IL4: variants seen among roughly 807,000 people sequenced by gnomAD.
The protein encoded by IL4 is interleukin 4, also known as interleukin-4.
In IL4, 10 loss-of-function variants were observed where a neutral mutation model predicts 17.4. The ratio of observed to expected loss-of-function variants is 0.57; its 90% CI spans 0.35 to 0.97. The LOEUF (loss-of-function observed/expected upper bound fraction) is 0.97, where lower values mean the gene tolerates loss of function less well. Among genes scored for constraint, IL4 ranks in the 50% least tolerant of loss-of-function variants. The pLI is 0.01. For synonymous variants in IL4, 87 were observed against 79.0 expected (o/e 1.10, Z -0.54); for missense variants, 174 against 187.7 (o/e 0.93, Z 0.43).
At position 132,674,133 on chromosome 5, in the gene IL4, A is replaced by T. The variant is rs770646815; in HGVS notation, c.83A>T (p.Asp28Val). 7 of 1,614,166 alleles carry T rather than the reference A, an allele frequency of 4.3e-6. No individual in the cohort carries two copies. The highest frequency in any genetic ancestry group is 5.1e-6 in the Non-Finnish European group (6 of 1,180,004). Residue 28 changes from aspartate to valine, a missense_variant, in exon 1 of 4, where the codon GAT becomes GTT. Asp to Val is a radical substitution (Grantham distance 152). Coordinates refer to ENST00000231449, the MANE Select transcript of IL4 (RefSeq NM_000589.4). ...AACTTTGTCCACGGACACAAGTGCG[A>T]TATCACCTTACAGGAGATCATCAAA... is the stretch of plus-strand genomic sequence containing the variant. ...AGNFVHGHKC[D>V]ITLQEIIKTL...
Position 132,679,839 on chromosome 5 carries a change from G to A in IL4, c.309G>A (p.Leu103=). 1 of 1,613,936 alleles carries A rather than the reference G, an allele frequency of 6.2e-7. No individual in the cohort carries two copies. The highest frequency in any genetic ancestry group is 8.5e-7 in the Non-Finnish European group (1 of 1,179,948). The change falls in exon 3 of 4, where the codon CTG becomes CTA. Residue 103 remains leucine (L), a synonymous_variant. Coordinates refer to ENST00000231449, the MANE Select transcript of IL4 (RefSeq NM_000589.4). ...TAQQFHRHKQ[L]IRFLKRLDRN... is the part of the protein sequence containing the mutation. Reference sequence around the variant, plus strand: ...AGCAGTTCCACAGGCACAAGCAGCTGATCCGATTCCTGAAACGGCTCGACA... The same window carrying A: ...AGCAGTTCCACAGGCACAAGCAGCTAATCCGATTCCTGAAACGGCTCGACA...
Position 132,674,054 on chromosome 5 carries a change from G to C in IL4, c.4G>C (p.Gly2Arg). 1 of 1,614,022 alleles carries C rather than the reference G, an allele frequency of 6.2e-7. No individual in the cohort carries two copies. The highest frequency in any genetic ancestry group is 8.5e-7 in the Non-Finnish European group (1 of 1,179,984). Residue 2 changes from glycine (G) to arginine (R), a missense_variant, in exon 1 of 4, where the codon GGT becomes CGT. Coordinates refer to ENST00000231449, the MANE Select transcript of IL4 (RefSeq NM_000589.4). ...CACTGCAAATCGACACCTATTAATGGGTCTCACCTCCCAACTGCTTCCCCC... is the reference window on the plus strand; with the variant it reads ...CACTGCAAATCGACACCTATTAATGCGTCTCACCTCCCAACTGCTTCCCCC... M[G>R]LTSQLLPPLF... is the part of the protein sequence containing the mutation.
In IL4 at chr5:132,680,405, G is replaced by A. The variant is rs529220975; in HGVS notation, c.360+515G>A. On this transcript the variant is annotated intron_variant, in intron 3 of 3. Coordinates refer to ENST00000231449, the MANE Select transcript of IL4 (RefSeq NM_000589.4). This position sits in a 1 kb window ranked among gnomAD's most constrained non-coding sequence, Gnocchi z 4.3. ...AAGGCCAGTGTGGCTGGATCAGAGT[G>A]AGTGAGGGGTAGTTTCCAGGACAGC... 2.0e-5 allele frequency among the ~76,000 whole-genome samples: 3 copies of A among 152,344 alleles called. No individual in the cohort carries two copies. The South Asian group carries it at 6.2e-4, about 32-fold the overall frequency.
At position 132,675,981 on chromosome 5, in the gene IL4, C is replaced by T. The variant is rs577920562; in HGVS notation, c.183+1475C>T. On this transcript the variant is annotated intron_variant, in intron 2 of 3. Coordinates refer to ENST00000231449, the MANE Select transcript of IL4 (RefSeq NM_000589.4). The stretch of plus-strand genomic sequence containing the variant: ...TATAAAATCTCCAAGTCCATCCAAC[C>T]GAGATGGCTCCTACTAGAAGCCAAG... 1.2e-3 allele frequency among the ~76,000 whole-genome samples: 165 copies of T among 136,828 alleles called. 2 individuals carry two copies. The highest frequency in any genetic ancestry group is 4.4e-3 in the African/African-American group (154 of 34,680). 89.8% of individuals were successfully genotyped at this position (136,828 alleles called of 152,430 possible). A position where few individuals can be genotyped will look rare whatever the true frequency, so the allele number is the denominator to read the frequency against.
chr5:132,679,596 A>G, intron 2 of IL4, 118 bp from the exon 3 acceptor site: 1 of 844,586 alleles, frequency 1.2e-6, no homozygotes, highest in Non-Finnish European at 1.9e-6. Flanking sequence ...ACAGGTCTGT[A>G]GTTGAGCAAA....
intron 2 of IL4, among the ~76,000 whole-genome samples, chr5:132,677,401 G>A (rs74466521): frequency 0.01 from 1,593 of 152,336 alleles, 15 homozygotes; most frequent in Non-Finnish European, 0.014. Flanking sequence ...GACACACTCA[G>A]CAGCCAGAGC....
chr5:132,676,352 G>A (rs1752383618), intron 2 of IL4, among the ~76,000 whole-genome samples: 2 of 152,200 alleles, frequency 1.3e-5, no homozygotes, highest in Admixed American at 1.3e-4. Context: ...GCAAGAACAG[G>A]TGCAGAGAAG....
In IL4 at chr5:132,682,646, C is replaced by CCTG; in HGVS notation, c.*59_*60insCTG. ...TTTTTAAGTATTTATATATTTATAACTCATCATAAAATAAAGTATATATAG... is the reference window on the plus strand; with the variant it reads ...TTTTTAAGTATTTATATATTTATAACCTGTCATCATAAAATAAAGTATATATAG... On this transcript the variant is annotated 3_prime_UTR_variant, in exon 4 of 4. Coordinates refer to ENST00000231449, the MANE Select transcript of IL4 (RefSeq NM_000589.4). The CCTG allele has an allele frequency of 1.2e-6, 1 of 823,052 alleles. No homozygotes were observed. The highest frequency in any genetic ancestry group is 2.7e-5 in the Admixed American group (1 of 36,446). The allele number at this position is 823,052 out of a possible 1,614,324, so 51.0% of individuals were successfully genotyped here.
Position 132,679,617 on chromosome 5 carries a change from T to A in IL4, c.184-97T>A, listed in dbSNP as rs964052145. The A allele has an allele frequency of 1.0e-4, 114 of 1,107,992 alleles. 1 individual carries two copies. Among genetic ancestry groups the A allele is most frequent in the Middle Eastern group, 4.2e-4 (2 of 4,814 alleles). The allele number at this position is 1,107,992 out of a possible 1,614,324, so 68.6% of individuals were successfully genotyped here. A position where few individuals can be genotyped will look rare whatever the true frequency, so the allele number is the denominator to read the frequency against. On this transcript the variant is annotated intron_variant, in intron 2 of 3. Transcript: ENST00000231449. The stretch of plus-strand genomic sequence containing the variant: ...CTGTAGTTGAGCAAACTCACCTCCA[T>A]TTGTCCTCCTGGAAAGAAGAAATCA...
In IL4 at chr5:132,679,733, CCTT is replaced by C. The variant is rs771654026; in HGVS notation, c.206_208del (p.Phe69del). On this transcript the variant is annotated inframe_deletion, in exon 3 of 4. Transcript: ENST00000231449. ...TTCCAGAACACAACTGAGAAGGAAA[CCTT>C]CTGCAGGGCTGCGACTGTGCTCCGG... 1 of 1,613,430 alleles carries C rather than the reference CCTT, an allele frequency of 6.2e-7. No homozygotes were observed. Among genetic ancestry groups the C allele is most frequent in the Non-Finnish European group, 8.5e-7 (1 of 1,179,720 alleles).
chr5:132,681,483 A>G (rs995523305), intron 3 of IL4, among the ~76,000 whole-genome samples: 2 of 152,120 alleles, frequency 1.3e-5, no homozygotes, highest in Non-Finnish European at 2.9e-5. Context: ...TGGCGAGAGG[A>G]GACAAAGAAG....
chr5:132,679,673 T>G, intron 2 of IL4, 41 bp from the exon 3 acceptor site: 1 of 1,544,514 alleles, frequency 6.5e-7, no homozygotes, highest in Non-Finnish European at 8.8e-7. Context: ...ATCCTCCAAA[T>G]GGAGCTGGCA....
At chr5:132,682,235 C>A (rs578164778) in intron 3 of IL4, among the ~76,000 whole-genome samples, 26 of 152,144 alleles carry the variant, frequency 1.7e-4, no homozygotes, top group African/African-American at 3.9e-4. Context: ...TGCACTCCCC[C>A]CCGCGCCACC....
chr5:132,679,537 G>A (rs896893477), intron 2 of IL4, among the ~76,000 whole-genome samples, 177 bp from the exon 3 acceptor site: 1 of 152,188 alleles, frequency 6.6e-6, no homozygotes, highest in African/African-American at 2.4e-5. Flanking sequence ...GTTGTTGACA[G>A]AGGTTTATGT....
chr5:132,676,038 G>A (rs1233820270), intron 2 of IL4, among the ~76,000 whole-genome samples: 1 of 151,406 alleles, frequency 6.6e-6, no homozygotes, highest in Non-Finnish European at 1.5e-5. Context: ...GGTCTCTGGA[G>A]GCCTGTGGCA....
At chr5:132,675,929 A>ATATG (rs150233516) in intron 2 of IL4, among the ~76,000 whole-genome samples, 3 of 140,938 alleles carry the variant, frequency 2.1e-5, no homozygotes, top group African/African-American at 8.2e-5. Flanking sequence ...GTGTATGTAT[A>ATATG]TGTGTGTGTG....
chr5:132,676,881 C>T (rs1276015189), intron 2 of IL4, among the ~76,000 whole-genome samples: 1 of 152,082 alleles, frequency 6.6e-6, no homozygotes, highest in Non-Finnish European at 1.5e-5. Context: ...TTGGCAGTTG[C>T]TGGAAAGAAG....
Position 132,679,868 on chromosome 5 carries a change from A to G in IL4, c.338A>G (p.Asn113Ser), listed in dbSNP as rs767406138. 3.1e-6 allele frequency: 5 copies of G among 1,612,960 alleles called. No individual in the cohort carries two copies. The Admixed American group carries it at 6.7e-5, about 22-fold the overall frequency. Residue 113 changes from asparagine (N) to serine (S), a missense_variant, in exon 3 of 4, where the codon AAC becomes AGC. Coordinates refer to ENST00000231449, the MANE Select transcript of IL4 (RefSeq NM_000589.4). ...LIRFLKRLDRNLWGLAGLNSC... is the reference protein window; with the variant it reads ...LIRFLKRLDRSLWGLAGLNSC... ...CGATTCCTGAAACGGCTCGACAGGA[A>G]CCTCTGGGGCCTGGCGGGCTTGGTA... is the stretch of plus-strand genomic sequence containing the variant.
chr5:132,675,151 G>A lies in IL4; in HGVS notation c.183+645G>A, dbSNP rs534962740. Among the ~76,000 whole-genome samples the A allele has an allele frequency of 9.8e-4, 149 of 152,290 alleles. 1 individual carries two copies. The highest frequency in any genetic ancestry group is 3.4e-3 in the African/African-American group (143 of 41,558). ...GGCACCTCGCCTCTCTGCCTCCTGTGCTGCCTCACCCCCACCCCTCTATCT... is the reference window on the plus strand; with the variant it reads ...GGCACCTCGCCTCTCTGCCTCCTGTACTGCCTCACCCCCACCCCTCTATCT... On this transcript the variant is annotated intron_variant, in intron 2 of 3. Transcript: ENST00000231449.
Sources: gnomAD v4.1 joint callset for allele counts (sites outside exome capture counted in the v4.1 genomes callset) on GRCh38, gnomAD v4.1.1 for gene constraint, Gnocchi (gnomAD v3.1) non-coding constraint, MANE v1.5 for transcripts, NCBI Gene and HGNC (gene_info 2026-07-23, HGNC 2026-07-21) for gene names.